ZC2HC1B: variants seen among roughly 807,000 people sequenced by gnomAD.
ZC2HC1B encodes the protein zinc finger C2HC-type containing 1B, also known as zinc finger C2HC domain-containing protein 1B.
Under a neutral mutation model 31.0 loss-of-function variants are expected in ZC2HC1B, and 36 were observed. The observed-to-expected ratio is 1.16, with a 90% CI of 0.89 to 1.54. ZC2HC1B has a LOEUF of 1.54. Ranked by LOEUF, ZC2HC1B falls within the 40% of genes most tolerant of loss-of-function variation. The pLI, the probability that ZC2HC1B is intolerant of heterozygous loss-of-function variation, is 0.00. For missense variants in ZC2HC1B, 260 were observed against 268.6 expected (o/e 0.97, Z 0.22); for synonymous variants, 73 against 88.0 (o/e 0.83, Z 0.95).
Position 143,922,333 on chromosome 6 carries a change from A to C in ZC2HC1B, c.599-15316A>C, listed in dbSNP as rs1052231207. On this transcript the variant is annotated intron_variant, in intron 6 of 7. Transcript: ENST00000237275. The surrounding 1 kb of genome is among the most constrained non-coding windows in gnomAD (Gnocchi z 5.0). ...ATTTATTTGACTTGGGAACATTTCA[A>C]ATCTTCTTTTCCAGTTATTCTGAAA... Among the ~76,000 whole-genome samples, 7 of 152,226 alleles carry C rather than the reference A, an allele frequency of 4.6e-5. No homozygotes were observed. The highest frequency in any genetic ancestry group is 1.7e-4 in the African/African-American group (7 of 41,474).
rs1409379536 is a variant in ZC2HC1B at position 143,886,562 on chromosome 6, C to T, written c.211-121C>T. 20 of 1,057,762 alleles carry T rather than the reference C, an allele frequency of 1.9e-5. No homozygotes were observed. Among genetic ancestry groups the T allele is most frequent in the Non-Finnish European group, 2.5e-5 (20 of 799,980 alleles). 65.5% of individuals were successfully genotyped at this position (1,057,762 alleles called of 1,614,324 possible). A position where few individuals can be genotyped will look rare whatever the true frequency, so the allele number is the denominator to read the frequency against. On this transcript the variant is annotated intron_variant, in intron 3 of 7. Coordinates refer to ENST00000237275, the MANE Select transcript of ZC2HC1B (RefSeq NM_001013623.3). The surrounding 1 kb of genome is among the most constrained non-coding windows in gnomAD (Gnocchi z 4.2). ...TTAAGGAGTACTTTTGAAAAACAAA[C>T]TCTCCTTTTCCCCAATTTTCACAGT...
intron 6 of ZC2HC1B, among the ~76,000 whole-genome samples, chr6:143,928,333 T>A (rs1372641160): frequency 1.3e-5 from 2 of 152,230 alleles, no homozygotes; most frequent in Non-Finnish European, 2.9e-5. Context: ...TGCATGTGGC[T>A]ATACAATTTT....
chr6:143,920,733 C>A (rs555528270), intron 6 of ZC2HC1B, among the ~76,000 whole-genome samples: 1 of 151,898 alleles, frequency 6.6e-6, no homozygotes, highest in Non-Finnish European at 1.5e-5. Flanking sequence ...CATGGTGAAA[C>A]CCCGTCTCTA....
rs1422509161 is a variant in ZC2HC1B, at chr6:143,915,715, C to G, written c.598+12563C>G. 6.6e-6 allele frequency among the ~76,000 whole-genome samples: 1 copy of G among 152,194 alleles called. No homozygotes were observed. Among genetic ancestry groups the G allele is most frequent in the Admixed American group, 6.5e-5 (1 of 15,286 alleles). On this transcript the variant is annotated intron_variant, in intron 6 of 7. Coordinates refer to ENST00000237275, the MANE Select transcript of ZC2HC1B (RefSeq NM_001013623.3). The surrounding 1 kb of genome is among the most constrained non-coding windows in gnomAD (Gnocchi z 5.2). ...CTCTTGTTATGTTTTAGCAAAGAGA[C>G]TGGTGGCATTTTGCCCCTGCCATAG...
chr6:143,900,339 A>C (rs1236745721), intron 5 of ZC2HC1B, among the ~76,000 whole-genome samples: 1 of 151,582 alleles, frequency 6.6e-6, no homozygotes, highest in Non-Finnish European at 1.5e-5. Flanking sequence ...GTGGTGAGCC[A>C]AGATCATGCC....
chr6:143,895,714 C>T lies in ZC2HC1B; in HGVS notation c.350-2838C>T, dbSNP rs1423867830. Reference sequence around the variant, plus strand: ...TTATAATTGTTATTTTTCTATGAGGCCTGGGACATTCAGTTACCATTTTGC... The same window carrying T: ...TTATAATTGTTATTTTTCTATGAGGTCTGGGACATTCAGTTACCATTTTGC... On this transcript the variant is annotated intron_variant, in intron 4 of 7. Coordinates refer to ENST00000237275, the MANE Select transcript of ZC2HC1B (RefSeq NM_001013623.3). This position sits in a 1 kb window ranked among gnomAD's most constrained non-coding sequence, Gnocchi z 4.8. Among the ~76,000 whole-genome samples, 1 of 152,088 alleles carries T rather than the reference C, an allele frequency of 6.6e-6. No individual in the cohort carries two copies. Among genetic ancestry groups the T allele is most frequent in the Non-Finnish European group, 1.5e-5 (1 of 68,028 alleles).
In ZC2HC1B at chr6:143,870,094, T is replaced by G. The variant is rs954517440; in HGVS notation, c.28+5527T>G. Among the ~76,000 whole-genome samples, 4 of 152,180 alleles carry G rather than the reference T, an allele frequency of 2.6e-5. No homozygotes were observed. Among genetic ancestry groups the G allele is most frequent in the Admixed American group, 6.5e-5 (1 of 15,272 alleles). On this transcript the variant is annotated intron_variant, in intron 1 of 7. Coordinates refer to ENST00000237275, the MANE Select transcript of ZC2HC1B (RefSeq NM_001013623.3). The surrounding 1 kb of genome is among the most constrained non-coding windows in gnomAD (Gnocchi z 4.7). ...TTGTCACCAATTTTCCAATCATGCTTCTTCCAAGTCCCTGACTATCCAGCC... is the reference window on the plus strand; with the variant it reads ...TTGTCACCAATTTTCCAATCATGCTGCTTCCAAGTCCCTGACTATCCAGCC...
intron 6 of ZC2HC1B, among the ~76,000 whole-genome samples, chr6:143,929,246 T>C (rs1184765220): frequency 1.3e-5 from 2 of 152,186 alleles, no homozygotes; most frequent in South Asian, 2.1e-4. Context: ...TTTTATTGTT[T>C]TGAGGTATGT....
Position 143,869,791 on chromosome 6 carries a change from C to T in ZC2HC1B, c.28+5224C>T, listed in dbSNP as rs1777314468. Among the ~76,000 whole-genome samples the T allele has an allele frequency of 6.6e-6, 1 of 152,182 alleles. No individual in the cohort carries two copies. The highest frequency in any genetic ancestry group is 6.5e-5 in the Admixed American group (1 of 15,274). ...CACTCAGCAGTGGCTGTAGTCAGGT[C>T]AGCTTTGGTGAGTGGAAGTCCATGT... On this transcript the variant is annotated intron_variant, in intron 1 of 7. Transcript: ENST00000237275. This position sits in a 1 kb window ranked among gnomAD's most constrained non-coding sequence, Gnocchi z 5.2.
At position 143,887,277 on chromosome 6, in the gene ZC2HC1B, C is replaced by T. The variant is rs1206507201; in HGVS notation, c.349+456C>T. Among the ~76,000 whole-genome samples the T allele has an allele frequency of 1.3e-5, 2 of 152,100 alleles. No homozygotes were observed. Among genetic ancestry groups the T allele is most frequent in the Non-Finnish European group, 2.9e-5 (2 of 68,018 alleles). On this transcript the variant is annotated intron_variant, in intron 4 of 7. Coordinates refer to ENST00000237275, the MANE Select transcript of ZC2HC1B (RefSeq NM_001013623.3). The surrounding 1 kb of genome is among the most constrained non-coding windows in gnomAD (Gnocchi z 5.1). Reference sequence around the variant, plus strand: ...TTTTATTTGAAAATTTAAAAATCTACAGAAAAGAGGAAGGAATAGTACACA... The same window carrying T: ...TTTTATTTGAAAATTTAAAAATCTATAGAAAAGAGGAAGGAATAGTACACA...
At chr6:143,929,404 A>G (rs1468694915) in intron 6 of ZC2HC1B, among the ~76,000 whole-genome samples, 2 of 152,324 alleles carry the variant, frequency 1.3e-5, no homozygotes, top group Non-Finnish European at 2.9e-5. Flanking sequence ...CATATGTTGT[A>G]CCAACCTTGC....
chr6:143,901,250 C>CTTTTTT (rs760366226), intron 5 of ZC2HC1B, among the ~76,000 whole-genome samples: 8 of 90,498 alleles, frequency 8.8e-5, no homozygotes, highest in African/African-American at 2.7e-4. Flanking sequence ...TTCTTTCTTC[C>CTTTTTT]TTTTTTTTTT....
rs1332108481 is a variant in ZC2HC1B, at chr6:143,886,736, T to C, written c.264T>C (p.Asn88=). 1 of 1,548,642 alleles carries C rather than the reference T, an allele frequency of 6.5e-7. No individual in the cohort carries two copies. Residue 88 remains asparagine (N), a synonymous_variant, in exon 4 of 8, where the codon AAT becomes AAC. Transcript: ENST00000237275. The surrounding 1 kb of genome is among the most constrained non-coding windows in gnomAD (Gnocchi z 4.2). ...NWRQQHEDFI[N]AIRSAKQCML... Reference sequence around the variant, plus strand: ...GACAACAACATGAAGACTTTATTAATGCAATCCGATCAGCAAAGCAGTGTA... The same window carrying C: ...GACAACAACATGAAGACTTTATTAACGCAATCCGATCAGCAAAGCAGTGTA...
At chr6:143,937,780 A>T in intron 7 of ZC2HC1B, 47 bp downstream of exon 7, 1 of 1,424,520 alleles carries the variant, frequency 7.0e-7, no homozygotes, top group South Asian at 1.3e-5. Context: ...TGACCAGTTA[A>T]TGACTTTTAA....
chr6:143,905,272 A>G lies in ZC2HC1B; in HGVS notation c.598+2120A>G, dbSNP rs752889554. Among the ~76,000 whole-genome samples the G allele has an allele frequency of 4.6e-5, 7 of 152,156 alleles. No homozygotes were observed. Among genetic ancestry groups the G allele is most frequent in the African/African-American group, 7.2e-5 (3 of 41,442 alleles). ...AATGTTTTGTAGTTTTCATTGTACA[A>G]ATCTTTCACCTCATTGCTTAAGTTC... is the stretch of plus-strand genomic sequence containing the variant. On this transcript the variant is annotated intron_variant, in intron 6 of 7. Coordinates refer to ENST00000237275, the MANE Select transcript of ZC2HC1B (RefSeq NM_001013623.3). The surrounding 1 kb of genome is among the most constrained non-coding windows in gnomAD (Gnocchi z 4.2).
At chr6:143,900,552 G>C (rs1777725338) in intron 5 of ZC2HC1B, among the ~76,000 whole-genome samples, 1 of 152,024 alleles carries the variant, frequency 6.6e-6, no homozygotes, top group African/African-American at 2.4e-5. Context: ...GACTGTCCTT[G>C]ATTGACAGGT....
At position 143,883,397 on chromosome 6, in the gene ZC2HC1B, C is replaced by T. The variant is rs1777493011; in HGVS notation, c.29-907C>T. Among the ~76,000 whole-genome samples, 1 of 152,148 alleles carries T rather than the reference C, an allele frequency of 6.6e-6. No individual in the cohort carries two copies. The highest frequency in any genetic ancestry group is 1.5e-5 in the Non-Finnish European group (1 of 68,016). Reference sequence around the variant, plus strand: ...TCCCACTATACTCGCAATCCATTTGCCCCTTCTTGCCTTTCTCACATCTAT... The same window carrying T: ...TCCCACTATACTCGCAATCCATTTGTCCCTTCTTGCCTTTCTCACATCTAT... On this transcript the variant is annotated intron_variant, in intron 1 of 7. Transcript: ENST00000237275. The surrounding 1 kb of genome is among the most constrained non-coding windows in gnomAD (Gnocchi z 4.1).
intron 6 of ZC2HC1B, among the ~76,000 whole-genome samples, chr6:143,914,109 C>G (rs948789992): frequency 6.6e-6 from 1 of 152,088 alleles, no homozygotes; most frequent in Admixed American, 6.6e-5. Context: ...CCTTTATTAT[C>G]TACTTTCTTC....
chr6:143,865,259 C>A lies in ZC2HC1B; in HGVS notation c.28+692C>A, dbSNP rs1369212319. Among the ~76,000 whole-genome samples, 1 of 152,184 alleles carries A rather than the reference C, an allele frequency of 6.6e-6. No homozygotes were observed. Among genetic ancestry groups the A allele is most frequent in the African/African-American group, 2.4e-5 (1 of 41,452 alleles). On this transcript the variant is annotated intron_variant, in intron 1 of 7. Transcript: ENST00000237275. This position sits in a 1 kb window ranked among gnomAD's most constrained non-coding sequence, Gnocchi z 4.4. ...GCTAAATGTTGGGAGCCCAAGAGATCAGAGGGTTTTTGCCTTCAGGAGCCA... is the reference window on the plus strand; with the variant it reads ...GCTAAATGTTGGGAGCCCAAGAGATAAGAGGGTTTTTGCCTTCAGGAGCCA...
Sources: gnomAD v4.1 joint callset for allele counts (sites outside exome capture counted in the v4.1 genomes callset) on GRCh38, gnomAD v4.1.1 for gene constraint, Gnocchi (gnomAD v3.1) non-coding constraint, MANE v1.5 for transcripts, NCBI Gene and HGNC (gene_info 2026-07-23, HGNC 2026-07-21) for gene names.